The following DMRT1 variants were observed in gnomAD, a reference collection of about 807,000 sequenced individuals.
DMRT1 encodes doublesex- and mab-3-related transcription factor 1.
Under a neutral mutation model 32.3 loss-of-function variants are expected in DMRT1, and 7 were observed. That is an observed-to-expected ratio of 0.22 (90% CI 0.12 to 0.41). The LOEUF (loss-of-function observed/expected upper bound fraction) is 0.41. DMRT1 is among the 10% of genes least tolerant of loss of function. DMRT1 has a pLI of 1.00. For missense variants in DMRT1, 625 were observed against 500.5 expected (o/e 1.25, Z -2.37); for synonymous variants, 278 against 206.1 (o/e 1.35, Z -2.99).
intron 2 of DMRT1, among the ~76,000 whole-genome samples, chr9:876,109 A>T (rs1816489283): frequency 6.6e-6 from 1 of 152,152 alleles, no homozygotes; most frequent in Non-Finnish European, 1.5e-5. Context: ...CTAGGGACAC[A>T]ATTGAGAGCT....
intron 3 of DMRT1, among the ~76,000 whole-genome samples, chr9:906,498 G>A (rs1410392405): frequency 6.6e-6 from 1 of 152,220 alleles, no homozygotes; most frequent in Non-Finnish European, 1.5e-5. Flanking sequence ...TCTTGATGTC[G>A]CAGCCCTGGA....
chr9:851,429 G>A (rs1361644923), intron 2 of DMRT1, among the ~76,000 whole-genome samples: 2 of 151,240 alleles, frequency 1.3e-5, no homozygotes, highest in African/African-American at 4.9e-5. Context: ...AGTAGAGACA[G>A]AGTTTCACCA....
chr9:921,813 AG>A (rs1263798840), intron 4 of DMRT1, among the ~76,000 whole-genome samples: 6 of 152,188 alleles, frequency 3.9e-5, no homozygotes, highest in Admixed American at 3.3e-4. Flanking sequence ...CCCAGGCTGC[AG>A]TGAGCTATGA....
rs959034753 is a variant in DMRT1, at chr9:842,150, G to C, written c.312G>C (p.Lys104Asn). 1 of 1,547,882 alleles carries C rather than the reference G, an allele frequency of 6.5e-7. No individual in the cohort carries two copies. The highest frequency in any genetic ancestry group is 8.7e-7 in the Non-Finnish European group (1 of 1,151,702). Residue 104 changes from lysine to asparagine, a missense_variant, in exon 1 of 5, where the codon AAG (lysine) becomes AAC (asparagine). This residue lies in a region of DMRT1 where 201 missense variants were observed against 152.0 expected (regional missense o/e 1.32). Transcript: ENST00000382276. ...TGTGGCGCGACTGCCAGTGCAAGAA[G>C]TGCAACCTGATCGCCGAGAGGCAGC... ...FCMWRDCQCK[K>N]CNLIAERQRV...
intron 3 of DMRT1, among the ~76,000 whole-genome samples, chr9:896,972 CT>C (rs1408333984): frequency 6.6e-6 from 1 of 151,878 alleles, no homozygotes; most frequent in African/African-American, 2.4e-5. Flanking sequence ...AGTCATTCCA[CT>C]TTTGGGATCT....
intron 2 of DMRT1, among the ~76,000 whole-genome samples, chr9:848,552 C>CTTT (rs143346289): frequency 5.2e-5 from 5 of 97,014 alleles, no homozygotes; most frequent in African/African-American, 1.1e-4. Flanking sequence ...TGTTTCCTTT[C>CTTT]TTTTTTTTTT....
intron 2 of DMRT1, among the ~76,000 whole-genome samples, chr9:859,018 G>T (rs996016900): frequency 6.6e-6 from 1 of 151,864 alleles, no homozygotes; most frequent in Non-Finnish European, 1.5e-5. Context: ...CCCATTAAAC[G>T]ATTATTTCCC....
At chr9:929,563 A>G (rs1307340146) in intron 4 of DMRT1, among the ~76,000 whole-genome samples, 2 of 152,052 alleles carry the variant, frequency 1.3e-5, no homozygotes, top group African/African-American at 4.8e-5. Context: ...TGGGTGATAC[A>G]TAGGTCCAGA....
At chr9:889,329 A>C (rs1281739112) in intron 2 of DMRT1, among the ~76,000 whole-genome samples, 2 of 152,330 alleles carry the variant, frequency 1.3e-5, no homozygotes, top group East Asian at 1.9e-4. Context: ...AAAGTGGTTA[A>C]ACATTTTAAC....
chr9:844,917 T>A (rs1225891156), intron 1 of DMRT1, among the ~76,000 whole-genome samples: 1 of 152,092 alleles, frequency 6.6e-6, no homozygotes, highest in Non-Finnish European at 1.5e-5. Flanking sequence ...AGACGGGATT[T>A]CACCATATTG....
chr9:920,623 G>T (rs1818322578), intron 4 of DMRT1, among the ~76,000 whole-genome samples: 1 of 152,206 alleles, frequency 6.6e-6, no homozygotes, highest in Non-Finnish European at 1.5e-5. Context: ...GAGGAATAGT[G>T]GGATGGGACG....
At chr9:888,497 T>A (rs928820432) in intron 2 of DMRT1, among the ~76,000 whole-genome samples, 7 of 151,858 alleles carry the variant, frequency 4.6e-5, no homozygotes, top group Non-Finnish European at 8.8e-5. Context: ...TGTAGAGGGG[T>A]TTTGTTTGCC....
At chr9:911,253 G>A (rs184142761) in intron 3 of DMRT1, among the ~76,000 whole-genome samples, 155 of 152,114 alleles carry the variant, frequency 1.0e-3, no homozygotes, top group Middle Eastern at 3.4e-3. Flanking sequence ...AATCAAAAGC[G>A]TCTCCAGATG....
chr9:942,049 G>A (rs2129913866), intron 4 of DMRT1, among the ~76,000 whole-genome samples: 1 of 152,270 alleles, frequency 6.6e-6, no homozygotes. Flanking sequence ...TGAAACAGAA[G>A]CCATCATCTT....
chr9:860,440 C>A (rs1283516044), intron 2 of DMRT1, among the ~76,000 whole-genome samples: 1 of 152,156 alleles, frequency 6.6e-6, no homozygotes, highest in Admixed American at 6.5e-5. Context: ...GCTGTCTGAG[C>A]AAGATTTCCT....
At chr9:846,872 C>T in intron 1 of DMRT1, 88 bp from the exon 2 acceptor site, 1 of 1,497,854 alleles carries the variant, frequency 6.7e-7, no homozygotes, top group Non-Finnish European at 9.3e-7. Flanking sequence ...GCTAGTGAAT[C>T]ATGGTGTCTG....
intron 3 of DMRT1, among the ~76,000 whole-genome samples, chr9:911,352 C>A (rs181428225): frequency 6.6e-6 from 1 of 152,040 alleles, no homozygotes; most frequent in East Asian, 1.9e-4. Flanking sequence ...TCGTTAATTT[C>A]CCATTTTGTT....
chr9:866,407 A>G (rs1339853150), intron 2 of DMRT1, among the ~76,000 whole-genome samples: 1 of 151,820 alleles, frequency 6.6e-6, no homozygotes, highest in African/African-American at 2.4e-5. Flanking sequence ...TTAAGAAGCA[A>G]TATGGGGAAG....
intron 3 of DMRT1, among the ~76,000 whole-genome samples, chr9:914,890 A>G (rs1256359411): frequency 6.6e-6 from 1 of 152,200 alleles, no homozygotes; most frequent in Admixed American, 6.5e-5. Flanking sequence ...ACAGCACCAT[A>G]ATACCCAAAG....
Sources: allele counts gnomAD v4.1 joint callset (sites outside exome capture counted in the v4.1 genomes callset), GRCh38; gene constraint gnomAD v4.1.1; regional missense constraint gnomAD v4.1.1; transcripts MANE v1.5; gene names NCBI Gene and HGNC (gene_info 2026-07-23, HGNC 2026-07-21).